The following LAMA2 variants were observed in gnomAD, a reference collection of about 807,000 sequenced individuals.
LAMA2 encodes laminin subunit alpha 2.
Under a neutral mutation model 364.8 loss-of-function variants are expected in LAMA2, and 269 were observed. That is an observed-to-expected ratio of 0.74 (90% CI 0.67 to 0.82). The LOEUF is 0.82. LAMA2 is among the 40% of genes least tolerant of loss of function. LAMA2 has a pLI of 0.00. For synonymous variants in LAMA2, 1,379 were observed against 1,370.6 expected (o/e 1.01, Z -0.14); for missense variants, 3,807 against 3,873.2 (o/e 0.98, Z 0.45).
intron 20 of LAMA2, among the ~76,000 whole-genome samples, chr6:129,292,627 C>A (rs551279803): frequency 1.3e-5 from 2 of 152,290 alleles, no homozygotes; most frequent in African/African-American, 4.8e-5. Flanking sequence ...TTTGCTCTAG[C>A]GCTTTCACAA....
rs1483003868 is a variant in LAMA2 at position 129,417,660 on chromosome 6, G to A, written c.5866-10092G>A. Among the ~76,000 whole-genome samples, 5 of 152,002 alleles carry A rather than the reference G, an allele frequency of 3.3e-5. No individual in the cohort carries two copies. In the East Asian group the frequency reaches 7.7e-4, roughly 24 times the overall value. On this transcript the variant is annotated intron_variant, in intron 40 of 64. Transcript: ENST00000421865. ...CAACCTGCCATCCACGGCGCCCACT[G>A]GCACCCAGGCTGTTCATGCCTAGGG...
At chr6:129,066,910 TA>T (rs1216953113) in intron 3 of LAMA2, among the ~76,000 whole-genome samples, 1 of 152,142 alleles carries the variant, frequency 6.6e-6, no homozygotes, top group African/African-American at 2.4e-5. Flanking sequence ...TCATGCCATA[TA>T]AAAAATCCAT....
At position 129,514,607 on chromosome 6, in the gene LAMA2, C is replaced by G. The variant is rs774693880; in HGVS notation, c.9211+12C>G. 2 of 1,595,352 alleles carry G rather than the reference C, an allele frequency of 1.3e-6. No individual in the cohort carries two copies. Among genetic ancestry groups the G allele is most frequent in the Non-Finnish European group, 1.7e-6 (2 of 1,163,404 alleles). On this transcript the variant is annotated intron_variant, in intron 64 of 64. Transcript: ENST00000421865. ...TGGAGGCTTCCCAGGTGAGTGTTGGCTACCCCAGCAACAATTTCTTTGCTC... is the reference window on the plus strand; with the variant it reads ...TGGAGGCTTCCCAGGTGAGTGTTGGGTACCCCAGCAACAATTTCTTTGCTC...
At chr6:128,929,542 C>G (rs1034789782) in intron 1 of LAMA2, 1 of 959,954 alleles carries the variant, frequency 1.0e-6, no homozygotes. Flanking sequence ...AACTCCTGAG[C>G]GACAATTATC....
intron 4 of LAMA2, among the ~76,000 whole-genome samples, chr6:129,118,805 G>C (rs1562253783): frequency 6.6e-6 from 1 of 152,122 alleles, no homozygotes; most frequent in Non-Finnish European, 1.5e-5. Context: ...GTTTTTAATT[G>C]CTTCCCTAAA....
At chr6:129,142,889 C>T (rs574471030) in intron 4 of LAMA2, among the ~76,000 whole-genome samples, 1 of 151,880 alleles carries the variant, frequency 6.6e-6, no homozygotes, top group Non-Finnish European at 1.5e-5. Flanking sequence ...TTTTAACAGT[C>T]ATTTTAATTT....
At chr6:129,010,487 C>T (rs1784699427) in intron 1 of LAMA2, among the ~76,000 whole-genome samples, 1 of 152,130 alleles carries the variant, frequency 6.6e-6, no homozygotes, top group South Asian at 2.1e-4. Flanking sequence ...ATTCTCTCCT[C>T]AAGAGAAAAG....
chr6:129,167,496 A>C (rs1779833930), intron 9 of LAMA2, among the ~76,000 whole-genome samples: 1 of 151,884 alleles, frequency 6.6e-6, no homozygotes, highest in Non-Finnish European at 1.5e-5. Context: ...TGAACTCATC[A>C]TTTTTTATGG....
chr6:129,040,831 A>C (rs1285581368), intron 1 of LAMA2, among the ~76,000 whole-genome samples: 2 of 152,166 alleles, frequency 1.3e-5, no homozygotes, highest in African/African-American at 4.8e-5. Flanking sequence ...ACTTTCTTAA[A>C]ACTGAGAAAT....
chr6:129,107,014 C>T (rs143654695), intron 4 of LAMA2, among the ~76,000 whole-genome samples: 27 of 151,960 alleles, frequency 1.8e-4, no homozygotes, highest in Non-Finnish European at 4.0e-4. Flanking sequence ...TTTAAGAGAC[C>T]TGGTTCTCTC....
Position 128,940,406 on chromosome 6 carries a change from A to C in LAMA2, c.112+57049A>C, listed in dbSNP as rs559762307. Among the ~76,000 whole-genome samples, 223 of 152,218 alleles carry C rather than the reference A, an allele frequency of 1.5e-3. 1 individual carries two copies. The highest frequency in any genetic ancestry group is 4.9e-3 in the African/African-American group (205 of 41,516). On this transcript the variant is annotated intron_variant, in intron 1 of 64. Coordinates refer to ENST00000421865, the MANE Select transcript of LAMA2 (RefSeq NM_000426.4). Reference sequence around the variant, plus strand: ...CCCTTCCTTCTTTATTATAAGCTTTAAGAGGGCAAAAACTATTTCTGTTTT... The same window carrying C: ...CCCTTCCTTCTTTATTATAAGCTTTCAGAGGGCAAAAACTATTTCTGTTTT...
At chr6:129,294,495 C>G (rs1789948007) in intron 20 of LAMA2, among the ~76,000 whole-genome samples, 1 of 152,128 alleles carries the variant, frequency 6.6e-6, no homozygotes, top group Non-Finnish European at 1.5e-5. Context: ...GGAGGAAACT[C>G]TCTGAGGCCT....
chr6:128,908,163 G>A (rs1777627995), intron 1 of LAMA2, among the ~76,000 whole-genome samples: 1 of 149,892 alleles, frequency 6.7e-6, no homozygotes. Context: ...ATGAGTTAGG[G>A]AGGATTCCCT....
At chr6:129,351,412 A>T (rs1776846630) in intron 31 of LAMA2, among the ~76,000 whole-genome samples, 1 of 152,164 alleles carries the variant, frequency 6.6e-6, no homozygotes, top group Admixed American at 6.5e-5. Flanking sequence ...ATCAAATGTG[A>T]GTGACTTAAA....
intron 8 of LAMA2, among the ~76,000 whole-genome samples, chr6:129,156,536 T>A (rs888876232): frequency 5.4e-4 from 82 of 151,474 alleles, no homozygotes; most frequent in Non-Finnish European, 7.8e-4. Context: ...TTTTTTTTTT[T>A]AAATAACTTC....
intron 22 of LAMA2, among the ~76,000 whole-genome samples, chr6:129,309,863 T>C (rs1188286458): frequency 6.6e-6 from 1 of 151,850 alleles, no homozygotes; most frequent in Non-Finnish European, 1.5e-5. Flanking sequence ...GAAAAATACT[T>C]ACCTATAAAG....
chr6:129,169,108 C>T (rs529613188), intron 9 of LAMA2, among the ~76,000 whole-genome samples: 70 of 151,842 alleles, frequency 4.6e-4, no homozygotes, highest in African/African-American at 1.7e-3. Flanking sequence ...CGTCTGCAAA[C>T]GGGGACAATT....
chr6:129,405,353 TATG>T (rs1283192864), intron 40 of LAMA2, among the ~76,000 whole-genome samples: 2 of 152,176 alleles, frequency 1.3e-5, no homozygotes, highest in African/African-American at 4.8e-5. Context: ...TGTAACATTT[TATG>T]ATAAGGAGGT....
In LAMA2 at chr6:129,154,549, A is replaced by G. The variant is rs2114976262; in HGVS notation, c.1072A>G (p.Asn358Asp). 2 of 1,614,078 alleles carry G rather than the reference A, an allele frequency of 1.2e-6. No individual in the cohort carries two copies. Among genetic ancestry groups the G allele is most frequent in the Non-Finnish European group, 1.7e-6 (2 of 1,179,926 alleles). Residue 358 changes from asparagine (N) to aspartate (D), a missense_variant, in exon 8 of 65, where the codon AAT (asparagine) becomes GAT (aspartate). Physicochemically the swap from Asn to Asp is conservative, Grantham distance 23. Transcript: ENST00000421865. ...GKAEECYYDE[N>D]VARRNLSLNI... ...AGCTGAAGAATGCTATTATGATGAA[A>G]ATGTTGCCAGAAGAAATCTGAGTTT...
Sources: gnomAD v4.1 joint callset for allele counts (sites outside exome capture counted in the v4.1 genomes callset) on GRCh38, gnomAD v4.1.1 for gene constraint, MANE v1.5 for transcripts, NCBI Gene and HGNC (gene_info 2026-07-23, HGNC 2026-07-21) for gene names.